Variants in ABCC8 observed in about 807,000 individuals in gnomAD.
ABCC8 encodes the protein ATP-binding cassette sub-family C member 8.
ABCC8 carries 137 observed loss-of-function variants against 188.0 expected under a neutral mutation model. That is an observed-to-expected ratio of 0.73 (90% CI 0.63 to 0.84). The LOEUF (loss-of-function observed/expected upper bound fraction) is 0.84. Among genes scored for constraint, ABCC8 ranks in the 40% least tolerant of loss-of-function variants. ABCC8 has a pLI of 0.00. For synonymous variants in ABCC8, 797 were observed against 846.5 expected (o/e 0.94, Z 1.01); for missense variants, 1,750 against 2,072.7 (o/e 0.84, Z 3.02).
Position 17,453,155 on chromosome 11 carries a change from G to C in ABCC8, c.1140C>G (p.Ala380=), listed in dbSNP as rs1956873355. The change falls in exon 7 of 39, where the codon GCC becomes GCG. Residue 380 remains alanine, a synonymous_variant. Transcript: ENST00000389817. ...CTCTCAAGTTAATTCCAGTTTCAAT[G>C]GCCACATAGTAGGATGCTTGCAGAA... ...RTFLQASYYV[A]IETGINLRGA... 1 of 1,613,968 alleles carries C rather than the reference G, an allele frequency of 6.2e-7. No individual in the cohort carries two copies. The highest frequency in any genetic ancestry group is 8.5e-7 in the Non-Finnish European group (1 of 1,180,026).
At chr11:17,431,175 C>A in intron 11 of ABCC8, 2 of 710,258 alleles carry the variant, frequency 2.8e-6, no homozygotes, top group Non-Finnish European at 4.5e-6. Flanking sequence ...AGGGGCTGCT[C>A]CCTCCCTGTC....
intron 16 of ABCC8, among the ~76,000 whole-genome samples, chr11:17,423,946 G>T (rs1262295673): frequency 6.6e-6 from 1 of 152,214 alleles, no homozygotes; most frequent in Non-Finnish European, 1.5e-5. Flanking sequence ...CTTCACCTCA[G>T]TTTCCTAATC....
chr11:17,452,914 T>C (rs891698991), intron 7 of ABCC8, among the ~76,000 whole-genome samples: 2 of 152,236 alleles, frequency 1.3e-5, no homozygotes, highest in Non-Finnish European at 2.9e-5. Context: ...AGAGCTACAC[T>C]GTCTCCCAAG....
At chr11:17,430,651 C>T (rs900494252) in intron 12 of ABCC8, 163 bp downstream of exon 12, 83 of 834,758 alleles carry the variant, frequency 9.9e-5, no homozygotes, top group Admixed American at 9.4e-4. Flanking sequence ...GGAAACCATA[C>T]AGGCCAATGT....
intron 17 of ABCC8, 21 bp from the exon 18 acceptor site, chr11:17,415,360 C>T: frequency 6.2e-7 from 1 of 1,608,708 alleles, no homozygotes; most frequent in Non-Finnish European, 8.5e-7. Flanking sequence ...GGAGGAAAGG[C>T]ATACTGAGCT....
In ABCC8 at chr11:17,461,583, C is replaced by T. The variant is rs1957189801; in HGVS notation, c.822G>A (p.Val274=). 1.2e-6 allele frequency: 2 copies of T among 1,614,092 alleles called. No individual in the cohort carries two copies. The highest frequency in any genetic ancestry group is 1.7e-6 in the Non-Finnish European group (2 of 1,180,056). The change falls in exon 5 of 39, where the codon GTG becomes GTA. Residue 274 remains valine, a splice_region_variant and synonymous_variant. Transcript: ENST00000389817. ...ATGGTGTGGCTGTGCCCCCACTGAC[C>T]ACCTGGGCGTCAAAGGCCTCGCAGA... ...QRLCEAFDAQ[V]RKDIQGTQGA...
At chr11:17,457,753 T>C (rs752939151) in intron 6 of ABCC8, among the ~76,000 whole-genome samples, 6 of 152,190 alleles carry the variant, frequency 3.9e-5, no homozygotes, top group Non-Finnish European at 8.8e-5. Flanking sequence ...ACATCAGAAA[T>C]GTTCGTCCTT....
Position 17,395,632 on chromosome 11 carries a change from C to T in ABCC8, c.4285G>A (p.Val1429Ile), listed in dbSNP as rs755577144. 32 of 1,557,102 alleles carry T rather than the reference C, an allele frequency of 2.1e-5. No homozygotes were observed. Among genetic ancestry groups the T allele is most frequent in the East Asian group, 7.2e-5 (3 of 41,662 alleles). The change falls in exon 35 of 39, where the codon GTC becomes ATC. Residue 1429 changes from valine (V) to isoleucine (I), a missense_variant. Coordinates refer to ENST00000389817, the MANE Select transcript of ABCC8 (RefSeq NM_000352.6). ...CACCGGATGGTGCCGCTGAAGAGGA[C>T]GGGGTCCTGCAGGATGATGGAGAGG... The part of the protein sequence containing the change: ...SRLSIILQDP[V>I]LFSGTIRFNL...
chr11:17,430,450 C>T (rs141596668), intron 12 of ABCC8: 9 of 363,496 alleles, frequency 2.5e-5, no homozygotes, highest in South Asian at 1.6e-4. Flanking sequence ...GGGGCAGCCA[C>T]GTGGGGACGG....
At chr11:17,437,477 A>T in intron 10 of ABCC8, among the ~76,000 whole-genome samples, 1 of 152,272 alleles carries the variant, frequency 6.6e-6, no homozygotes, top group Non-Finnish European at 1.5e-5. Context: ...GTGCAGGGCC[A>T]GGGGAGGAGC....
At chr11:17,423,936 C>T (rs1199641495) in intron 16 of ABCC8, among the ~76,000 whole-genome samples, 1 of 152,224 alleles carries the variant, frequency 6.6e-6, no homozygotes, top group Non-Finnish European at 1.5e-5. Flanking sequence ...GGACAACTTG[C>T]TTCACCTCAG....
intron 3 of ABCC8, among the ~76,000 whole-genome samples, chr11:17,468,305 A>G (rs1848282231): frequency 6.6e-6 from 1 of 152,144 alleles, no homozygotes; most frequent in African/African-American, 2.4e-5. Flanking sequence ...CCAGACTCCA[A>G]ATGTCAATTC....
chr11:17,420,043 C>T (rs1273734784), intron 16 of ABCC8, among the ~76,000 whole-genome samples: 1 of 152,100 alleles, frequency 6.6e-6, no homozygotes, highest in African/African-American at 2.4e-5. Context: ...AGTGCTTGGC[C>T]CCAAAAGTAC....
intron 1 of ABCC8, among the ~76,000 whole-genome samples, chr11:17,476,146 C>G (rs1005032160): frequency 6.6e-6 from 1 of 152,184 alleles, no homozygotes; most frequent in Non-Finnish European, 1.5e-5. Flanking sequence ...CGGCTCAGCC[C>G]GGTGAAAGCA....
chr11:17,454,233 T>C (rs915571565), intron 6 of ABCC8, among the ~76,000 whole-genome samples: 2 of 152,088 alleles, frequency 1.3e-5, no homozygotes, highest in South Asian at 2.1e-4. Context: ...CAGGCTCTCA[T>C]TGGAGGCCTT....
intron 10 of ABCC8, among the ~76,000 whole-genome samples, chr11:17,434,984 C>CGCGTGTGTGTGT (rs71457876): frequency 0.048 from 6,924 of 144,678 alleles, 197 homozygotes; most frequent in Non-Finnish European, 0.061. Flanking sequence ...CGTGTGTTCG[C>CGCGTGTGTGTGT]GTGTGTGTGT....
At chr11:17,426,533 C>A (rs1316339124) in intron 16 of ABCC8, among the ~76,000 whole-genome samples, 4 of 152,204 alleles carry the variant, frequency 2.6e-5, no homozygotes, top group African/African-American at 4.8e-5. Context: ...AGACAGTGAT[C>A]TTTGCCCAGA....
intron 10 of ABCC8, among the ~76,000 whole-genome samples, chr11:17,436,646 T>C (rs1326008511): frequency 1.3e-5 from 2 of 152,250 alleles, no homozygotes; most frequent in East Asian, 3.8e-4. Flanking sequence ...TAAAACCTTC[T>C]TCTTGTGTAA....
chr11:17,466,891 T>C (rs1356596284), intron 3 of ABCC8, among the ~76,000 whole-genome samples: 2 of 152,090 alleles, frequency 1.3e-5, no homozygotes, highest in African/African-American at 4.8e-5. Context: ...GTCTCGAACT[T>C]CTGAGCTCAA....
Sources: allele counts gnomAD v4.1 joint callset (sites outside exome capture counted in the v4.1 genomes callset), GRCh38; gene constraint gnomAD v4.1.1; transcripts MANE v1.5; gene names NCBI Gene and HGNC (gene_info 2026-07-23, HGNC 2026-07-21).